Variants in THSD7B observed in about 807,000 individuals in gnomAD.
THSD7B encodes thrombospondin type-1 domain-containing protein 7B.
In THSD7B, 138 loss-of-function variants were observed where a neutral mutation model predicts 213.6. That is an observed-to-expected ratio of 0.65 (90% CI 0.56 to 0.74). The LOEUF is 0.74. Among genes scored for constraint, THSD7B ranks in the 30% least tolerant of loss-of-function variants. The probability of loss-of-function intolerance (pLI) is 0.00; values close to 1 mark genes in which losing one functional copy is unlikely to be tolerated. For synonymous variants in THSD7B, 742 were observed against 687.0 expected (o/e 1.08, Z -1.25); for missense variants, 1,931 against 1,991.5 (o/e 0.97, Z 0.58).
At chr2:136,798,834 A>G (rs1682118389) in intron 1 of THSD7B, among the ~76,000 whole-genome samples, 1 of 152,006 alleles carries the variant, frequency 6.6e-6, no homozygotes, top group Admixed American at 6.6e-5. Flanking sequence ...ATAAACTCAA[A>G]TTCCCATAAA....
chr2:136,995,684 C>T (rs1230681085), intron 2 of THSD7B, among the ~76,000 whole-genome samples: 1 of 152,134 alleles, frequency 6.6e-6, no homozygotes, highest in African/African-American at 2.4e-5. Context: ...ATAATTACTT[C>T]TCATGACTTC....
intron 5 of THSD7B, among the ~76,000 whole-genome samples, chr2:137,116,107 A>G (rs1174092773): frequency 6.6e-6 from 1 of 152,134 alleles, no homozygotes; most frequent in Non-Finnish European, 1.5e-5. Flanking sequence ...TGCTATGGTA[A>G]TGCATCCATT....
chr2:137,342,382 A>G (rs1161421323), intron 12 of THSD7B, among the ~76,000 whole-genome samples: 3 of 90,294 alleles, frequency 3.3e-5, no homozygotes, highest in East Asian at 6.8e-4. Context: ...TTTGTTAATT[A>G]GTTCTAACAG....
chr2:137,202,780 T>A (rs1204153240), intron 7 of THSD7B, among the ~76,000 whole-genome samples: 7 of 152,158 alleles, frequency 4.6e-5, no homozygotes. Context: ...AAGTCAAGTC[T>A]CTCCAATTAC....
chr2:136,958,050 A>C (rs1338597511), intron 2 of THSD7B, among the ~76,000 whole-genome samples: 2 of 152,212 alleles, frequency 1.3e-5, no homozygotes, highest in African/African-American at 4.8e-5. Context: ...TTTTAATTAC[A>C]TCATGTTTAA....
chr2:137,236,635 A>G (rs1681769314), intron 9 of THSD7B, among the ~76,000 whole-genome samples: 1 of 152,244 alleles, frequency 6.6e-6, no homozygotes, highest in South Asian at 2.1e-4. Flanking sequence ...GCATTTTGTG[A>G]GATACAGCAA....
chr2:136,898,301 TAG>T (rs1283128719), intron 2 of THSD7B, among the ~76,000 whole-genome samples: 2 of 152,260 alleles, frequency 1.3e-5, no homozygotes, highest in Non-Finnish European at 2.9e-5. Context: ...TCAGTTTGAA[TAG>T]AGTTTTTCTT....
chr2:137,555,208 C>A (rs923232921), intron 15 of THSD7B, among the ~76,000 whole-genome samples: 4 of 152,184 alleles, frequency 2.6e-5, no homozygotes, highest in African/African-American at 9.6e-5. Flanking sequence ...GTTCTCCTAG[C>A]ATGGAGTTTG....
chr2:137,183,066 T>A (rs1473609352), intron 7 of THSD7B, among the ~76,000 whole-genome samples: 4 of 152,182 alleles, frequency 2.6e-5, no homozygotes, highest in Non-Finnish European at 5.9e-5. Flanking sequence ...TGGTATCAGT[T>A]AGTGGAAATG....
intron 12 of THSD7B, among the ~76,000 whole-genome samples, chr2:137,350,480 G>A (rs1684988762): frequency 6.6e-6 from 1 of 151,768 alleles, no homozygotes; most frequent in Non-Finnish European, 1.5e-5. Context: ...GTGGCACCCG[G>A]TAAAGTCATA....
At chr2:137,637,377 A>G (rs1399618492) in intron 20 of THSD7B, among the ~76,000 whole-genome samples, 1 of 152,240 alleles carries the variant, frequency 6.6e-6, no homozygotes, top group Non-Finnish European at 1.5e-5. Context: ...GTAAAAGATA[A>G]CAATTACCCA....
chr2:137,609,106 G>C (rs904253220), intron 17 of THSD7B, among the ~76,000 whole-genome samples: 4 of 152,098 alleles, frequency 2.6e-5, no homozygotes, highest in African/African-American at 9.7e-5. Context: ...CTCTCTACTT[G>C]AGACAATTGA....
chr2:137,673,422 A>G (rs1042619447), intron 27 of THSD7B, among the ~76,000 whole-genome samples: 1 of 152,180 alleles, frequency 6.6e-6, no homozygotes, highest in Non-Finnish European at 1.5e-5. Flanking sequence ...GTGATGGATT[A>G]GAGATGTCCA....
At chr2:136,997,470 T>C (rs1195579132) in intron 2 of THSD7B, among the ~76,000 whole-genome samples, 1 of 152,224 alleles carries the variant, frequency 6.6e-6, no homozygotes, top group Non-Finnish European at 1.5e-5. Flanking sequence ...ATAGTATTTT[T>C]AAAGTAGTAC....
chr2:136,982,219 T>C (rs1420900648), intron 2 of THSD7B, among the ~76,000 whole-genome samples: 1 of 152,130 alleles, frequency 6.6e-6, no homozygotes, highest in Non-Finnish European at 1.5e-5. Context: ...TAGATATTCT[T>C]AAACCTTCTG....
At chr2:137,070,698 G>T (rs1479734958) in intron 3 of THSD7B, among the ~76,000 whole-genome samples, 2 of 151,928 alleles carry the variant, frequency 1.3e-5, no homozygotes, top group Non-Finnish European at 2.9e-5. Flanking sequence ...ATCTCCTAAT[G>T]CTATCCCTCC....
intron 1 of THSD7B, among the ~76,000 whole-genome samples, chr2:136,873,025 A>T (rs1174537093): frequency 2.7e-5 from 4 of 147,968 alleles, no homozygotes; most frequent in African/African-American, 4.9e-5. Context: ...TCCATCTAAA[A>T]AAAAAAAAAA....
intron 1 of THSD7B, among the ~76,000 whole-genome samples, chr2:136,813,876 T>A (rs1682428347): frequency 6.6e-6 from 1 of 152,208 alleles, no homozygotes; most frequent in Admixed American, 6.5e-5. Flanking sequence ...CTCCTTTTAT[T>A]CTCATAAGAG....
At chr2:136,858,987 GA>G (rs977219975) in intron 1 of THSD7B, among the ~76,000 whole-genome samples, 1 of 152,184 alleles carries the variant, frequency 6.6e-6, no homozygotes, top group Non-Finnish European at 1.5e-5. Context: ...GACCTTCCTG[GA>G]AATGCTGGTT....
Sources: allele counts gnomAD v4.1 joint callset (sites outside exome capture counted in the v4.1 genomes callset), GRCh38; gene constraint gnomAD v4.1.1; transcripts MANE v1.5; gene names NCBI Gene and HGNC (gene_info 2026-07-23, HGNC 2026-07-21).